Variants in MAGI3 observed in about 807,000 individuals in gnomAD.
The protein encoded by MAGI3 is membrane associated guanylate kinase, WW and PDZ domain containing 3.
Under a neutral mutation model 121.8 loss-of-function variants are expected in MAGI3, and 43 were observed. The ratio of observed to expected loss-of-function variants is 0.35; its 90% CI spans 0.28 to 0.46. The LOEUF (loss-of-function observed/expected upper bound fraction) is 0.46, where lower values mean the gene tolerates loss of function less well. Among genes scored for constraint, MAGI3 ranks in the 20% least tolerant of loss-of-function variants. The pLI is 1.00. For synonymous variants in MAGI3, 553 were observed against 639.3 expected (o/e 0.86, Z 2.04); for missense variants, 1,547 against 1,797.3 (o/e 0.86, Z 2.52).
intron 1 of MAGI3, among the ~76,000 whole-genome samples, chr1:113,437,827 CT>C: frequency 8.7e-5 from 1 of 11,528 alleles, no homozygotes; most frequent in African/African-American, 2.7e-4. Context: ...TCTTCTTCTT[CT>C]TCTTCTTCTT....
chr1:113,404,997 A>G (rs1393917936), intron 1 of MAGI3, among the ~76,000 whole-genome samples: 2 of 152,080 alleles, frequency 1.3e-5, no homozygotes, highest in Admixed American at 6.6e-5. Context: ...TTATTTATTT[A>G]TGCTTATGTG....
intron 16 of MAGI3, among the ~76,000 whole-genome samples, chr1:113,660,284 G>T (rs1001972634): frequency 1.3e-5 from 2 of 152,090 alleles, no homozygotes; most frequent in Non-Finnish European, 2.9e-5. Flanking sequence ...TCTCCATTCT[G>T]TTCCTATACT....
chr1:113,579,454 G>T (rs968888665), intron 2 of MAGI3, among the ~76,000 whole-genome samples: 3 of 152,142 alleles, frequency 2.0e-5, no homozygotes, highest in African/African-American at 7.2e-5. Context: ...ATTTGGGGAG[G>T]TTGCCAGGGG....
At chr1:113,636,620 C>T (rs1292093872) in intron 9 of MAGI3, among the ~76,000 whole-genome samples, 17 of 152,026 alleles carry the variant, frequency 1.1e-4, no homozygotes, top group African/African-American at 4.1e-4. Flanking sequence ...TGTTCTTTTA[C>T]ATTTGCTGAG....
intron 1 of MAGI3, among the ~76,000 whole-genome samples, chr1:113,526,859 A>G (rs1435688899): frequency 4.6e-5 from 7 of 152,182 alleles, no homozygotes; most frequent in Admixed American, 3.3e-4. Flanking sequence ...GAGGTATAAC[A>G]TATTAATTAA....
intron 1 of MAGI3, among the ~76,000 whole-genome samples, chr1:113,509,099 T>C (rs1023309844): frequency 6.6e-6 from 1 of 152,188 alleles, no homozygotes; most frequent in African/African-American, 2.4e-5. Context: ...CCCAAACAGC[T>C]TGATATAAGG....
chr1:113,491,318 T>C (rs1656656067), intron 1 of MAGI3, among the ~76,000 whole-genome samples: 1 of 152,168 alleles, frequency 6.6e-6, no homozygotes, highest in South Asian at 2.1e-4. Flanking sequence ...AAAGAAGTTC[T>C]TTGAAACTAA....
At chr1:113,591,403 A>G (rs1235000) in intron 5 of MAGI3, among the ~76,000 whole-genome samples, 59,435 of 151,952 alleles carry the variant, frequency 0.39, 13,392 homozygotes, top group African/African-American at 0.61. Flanking sequence ...TAACAATTAA[A>G]TAACGGTTAA....
At chr1:113,631,515 T>C (rs780342231) in intron 9 of MAGI3, among the ~76,000 whole-genome samples, 1 of 152,188 alleles carries the variant, frequency 6.6e-6, no homozygotes. Context: ...TATTAATATT[T>C]TGAAATATTT....
chr1:113,456,247 G>A lies in MAGI3; in HGVS notation c.316+64898G>A, dbSNP rs7542566. ...CCCAAAGTGCTGGGATTACAGGCGT[G>A]AGCCACCACGCCCGGCCCCATTTTT... On this transcript the variant is annotated intron_variant, in intron 1 of 20. Transcript: ENST00000307546. Among the ~76,000 whole-genome samples, 6 of 149,284 alleles carry A rather than the reference G, an allele frequency of 4.0e-5. No individual in the cohort carries two copies. The East Asian group carries it at 5.9e-4, about 15-fold the overall frequency.
At chr1:113,573,262 C>G (rs1260730114) in intron 2 of MAGI3, among the ~76,000 whole-genome samples, 3 of 152,176 alleles carry the variant, frequency 2.0e-5, no homozygotes, top group African/African-American at 7.2e-5. Flanking sequence ...GCTCTTGCTT[C>G]TCTAGTTCTT....
intron 1 of MAGI3, chr1:113,450,454 G>A: frequency 3.6e-6 from 4 of 1,108,876 alleles, no homozygotes; most frequent in Non-Finnish European, 5.5e-6. Context: ...GTAGTAGAGG[G>A]GGCTATGGTG....
intron 1 of MAGI3, among the ~76,000 whole-genome samples, chr1:113,497,192 G>T (rs1426851555): frequency 6.6e-6 from 1 of 151,682 alleles, no homozygotes; most frequent in African/African-American, 2.4e-5. Flanking sequence ...AGGAGGTGGA[G>T]GTTGCAGTGA....
chr1:113,431,538 G>A (rs1214089771), intron 1 of MAGI3, among the ~76,000 whole-genome samples: 1 of 152,078 alleles, frequency 6.6e-6, no homozygotes, highest in Non-Finnish European at 1.5e-5. Flanking sequence ...TAGCATAGAT[G>A]TTGGATATAA....
chr1:113,531,712 G>A (rs1658730893), intron 1 of MAGI3, among the ~76,000 whole-genome samples: 1 of 129,598 alleles, frequency 7.7e-6, no homozygotes, highest in Non-Finnish European at 1.7e-5. Context: ...TGGTATTGCG[G>A]GGGGTGGGGG....
rs190424722 is a variant in MAGI3, at chr1:113,668,601, A to T, written c.2816-3133A>T. Among the ~76,000 whole-genome samples, 61 of 108,288 alleles carry T rather than the reference A, an allele frequency of 5.6e-4. No individual in the cohort carries two copies. In the East Asian group the frequency reaches 0.014, roughly 25 times the overall value. 71.0% of individuals were successfully genotyped at this position (108,288 alleles called of 152,430 possible). A position where few individuals can be genotyped will look rare whatever the true frequency, so the allele number is the denominator to read the frequency against. On this transcript the variant is annotated intron_variant, in intron 16 of 20. Transcript: ENST00000307546. ...TTTTTTTTTTTTTTTTTTGAGACGG[A>T]GTCTCGCTCTGTCGCCCAGGCCGGA...
chr1:113,450,168 A>G (rs1570693412), intron 1 of MAGI3: 4 of 1,502,588 alleles, frequency 2.7e-6, no homozygotes, highest in East Asian at 4.5e-5. Flanking sequence ...AGCATGATAC[A>G]GTTGATAAAA....
chr1:113,509,552 A>G (rs1351639634), intron 1 of MAGI3, among the ~76,000 whole-genome samples: 2 of 129,142 alleles, frequency 1.5e-5, no homozygotes, highest in African/African-American at 2.9e-5. Flanking sequence ...CAGCAGCTAT[A>G]AAGTGAACGT....
Position 113,683,274 on chromosome 1 carries a change from T to G in MAGI3, c.3706T>G (p.Leu1236Val), listed in dbSNP as rs890649674. 2 of 1,612,844 alleles carry G rather than the reference T, an allele frequency of 1.2e-6. No homozygotes were observed. Among genetic ancestry groups the G allele is most frequent in the Non-Finnish European group, 1.7e-6 (2 of 1,179,676 alleles). Reference sequence around the variant, plus strand: ...AGCCAGTCAACATTCAGAGGAACATTTGGATAAGATTCCTAGTCCTCTAAA... The same window carrying G: ...AGCCAGTCAACATTCAGAGGAACATGTGGATAAGATTCCTAGTCCTCTAAA... ...KPASQHSEEHLDKIPSPLKNN... is the reference protein window; with the variant it reads ...KPASQHSEEHVDKIPSPLKNN... The change falls in exon 21 of 21, where the codon TTG (leucine) becomes GTG (valine). Residue 1236 changes from leucine (L) to valine (V), a missense_variant. Physicochemically the swap from Leu to Val is conservative, Grantham distance 32. Transcript: ENST00000307546.
Sources: allele counts gnomAD v4.1 joint callset (sites outside exome capture counted in the v4.1 genomes callset), GRCh38; gene constraint gnomAD v4.1.1; transcripts MANE v1.5; gene names NCBI Gene and HGNC (gene_info 2026-07-23, HGNC 2026-07-21).